The following PNISR variants were observed in gnomAD, a reference collection of about 807,000 sequenced individuals.
PNISR encodes the protein arginine/serine-rich protein PNISR.
A neutral mutation model predicts 93.4 loss-of-function variants in PNISR; 20 were observed. That is an observed-to-expected ratio of 0.21 (90% confidence interval 0.15 to 0.31). PNISR has a LOEUF of 0.31. Among genes scored for constraint, PNISR ranks in the 10% least tolerant of loss-of-function variants. PNISR has a pLI of 1.00. For missense variants in PNISR, 893 were observed against 985.4 expected, an observed-to-expected ratio of 0.91 and a Z score of 1.25; for synonymous variants, 305 against 306.5, an observed-to-expected ratio of 0.99 and a Z score of 0.05.
chr6:99,420,378 G>C (rs72930618), intron 1 of PNISR, among the ~76,000 whole-genome samples: 9,078 of 152,220 alleles, frequency 0.06, 362 homozygotes, highest in South Asian at 0.13. Context: ...TTGTAGTAAA[G>C]ACTTGTTTTA....
chr6:99,410,995 A>C, intron 4 of PNISR, 31 bp from the exon 5 acceptor site: 1 of 1,492,704 alleles, frequency 6.7e-7, no homozygotes, highest in Non-Finnish European at 9.3e-7. Context: ...AAAACATTCA[A>C]CAGGCGGTTA....
chr6:99,421,787 C>T (rs1241676522), intron 1 of PNISR, among the ~76,000 whole-genome samples: 1 of 152,342 alleles, frequency 6.6e-6, no homozygotes, highest in Non-Finnish European at 1.5e-5. Flanking sequence ...AAATGGCCAT[C>T]ATCTATTTTA....
chr6:99,402,032 G>GC (rs1311253161), intron 11 of PNISR, among the ~76,000 whole-genome samples: 2 of 152,124 alleles, frequency 1.3e-5, no homozygotes, highest in African/African-American at 4.8e-5. Context: ...TGGGTGTGAG[G>GC]CAAGTAGGAA....
At chr6:99,415,481 G>C (rs1021033089) in intron 2 of PNISR, 31 of 152,164 alleles carry the variant, frequency 2.0e-4, no homozygotes, top group African/African-American at 6.8e-4. Context: ...TAATTTAGGA[G>C]ATGGTATGGG....
At chr6:99,401,676 A>T in intron 11 of PNISR, 46 bp from the exon 12 acceptor site, 1 of 1,414,760 alleles carries the variant, frequency 7.1e-7, no homozygotes, top group Non-Finnish European at 9.4e-7. Context: ...TTCATGTAAA[A>T]TTCTCATACT....
rs1392410591 is a variant in PNISR at position 99,410,474 on chromosome 6, C to T, written c.501+267G>A. 1.1e-5 allele frequency: 4 copies of T among 378,322 alleles called. No homozygotes were observed. In the East Asian group the frequency reaches 1.8e-4, roughly 17 times the overall value. The allele number at this position is 378,322 out of a possible 1,614,324, so 23.4% of individuals were successfully genotyped here. A position where few individuals can be genotyped will look rare whatever the true frequency, so the allele number is the denominator to read the frequency against. On this transcript the variant is annotated intron_variant, in intron 5 of 11. Transcript: ENST00000369239. ...TTGAAATATAAATTAGAAAATAAAACATCATATAGCTATTGCACTTATACA... is the reference window on the plus strand; with the variant it reads ...TTGAAATATAAATTAGAAAATAAAATATCATATAGCTATTGCACTTATACA...
rs1224104196 is a variant in PNISR at position 99,401,141 on chromosome 6, C to A, written c.1817G>T (p.Arg606Ile). Reference sequence around the variant, plus strand: ...TCGGGAAGGACTCCGATTTCGTCGTCTTTCTCTTTCAATGCTATTTCTATT... The same window carrying A: ...TCGGGAAGGACTCCGATTTCGTCGTATTTCTCTTTCAATGCTATTTCTATT... ...RSNRNSIERE[R>I]RRNRSPSRER... The change falls in exon 12 of 12, where the codon AGA becomes ATA. Residue 606 changes from arginine to isoleucine, a missense_variant. By Grantham distance (97) the Arg-to-Ile change is moderately conservative. Transcript: ENST00000369239. The A allele has an allele frequency of 1.1e-5, 17 of 1,613,988 alleles. No homozygotes were observed. Among genetic ancestry groups the A allele is most frequent in the Non-Finnish European group, 1.4e-5 (17 of 1,179,918 alleles).
chr6:99,423,662 CG>C (rs540471136), intron 1 of PNISR, among the ~76,000 whole-genome samples: 5 of 152,262 alleles, frequency 3.3e-5, no homozygotes, highest in African/African-American at 7.2e-5. Context: ...ATGAGAAAAT[CG>C]TCTGGCAAAT....
intron 7 of PNISR, 135 bp downstream of exon 7, chr6:99,407,946 C>A: frequency 1.6e-6 from 1 of 617,498 alleles, no homozygotes; most frequent in Non-Finnish European, 2.8e-6. Context: ...AAATCAGAAT[C>A]CTCAATATAC....
At chr6:99,402,761 T>G (rs1320231925) in intron 10 of PNISR, 51 bp from the exon 11 acceptor site, 12 of 1,353,636 alleles carry the variant, frequency 8.9e-6, no homozygotes, top group African/African-American at 1.5e-5. Flanking sequence ...TACTATGCAC[T>G]AAAAACTTTT....
At chr6:99,413,111 C>A (rs1298615300) in intron 3 of PNISR, among the ~76,000 whole-genome samples, 1 of 151,790 alleles carries the variant, frequency 6.6e-6, no homozygotes, top group African/African-American at 2.4e-5. Flanking sequence ...AAAATCACCA[C>A]AAAAATAATC....
intron 4 of PNISR, among the ~76,000 whole-genome samples, 181 bp from the exon 5 acceptor site, chr6:99,411,145 T>A (rs1776861652): frequency 6.6e-6 from 1 of 152,212 alleles, no homozygotes; most frequent in Non-Finnish European, 1.5e-5. Context: ...CTGTCATATA[T>A]AATTCAAAAT....
In PNISR at chr6:99,400,687, A is replaced by G. The variant is rs571815625; in HGVS notation, c.2271T>C (p.Ser757=). The G allele has an allele frequency of 9.4e-5, 152 of 1,613,670 alleles. 1 individual carries two copies. The South Asian group carries it at 1.5e-3, about 16-fold the overall frequency. ...DSKKHSGSDS[S]GRSSSESPGS... ...CTGGAGACTCAGAACTGCTCCTTCCACTAGAATCAGAGCCTGAATGTTTTT... is the reference window on the plus strand; with the variant it reads ...CTGGAGACTCAGAACTGCTCCTTCCGCTAGAATCAGAGCCTGAATGTTTTT... Residue 757 remains serine (S), a synonymous_variant, in exon 12 of 12, where the codon AGT becomes AGC. Coordinates refer to ENST00000369239, the MANE Select transcript of PNISR (RefSeq NM_032870.4).
At chr6:99,422,615 T>C (rs1778710193) in intron 1 of PNISR, among the ~76,000 whole-genome samples, 1 of 152,200 alleles carries the variant, frequency 6.6e-6, no homozygotes, top group Non-Finnish European at 1.5e-5. Context: ...GGCTCATGCC[T>C]GTAAACCCAG....
At chr6:99,419,987 C>A (rs574719653) in intron 1 of PNISR, among the ~76,000 whole-genome samples, 11 of 152,082 alleles carry the variant, frequency 7.2e-5, no homozygotes, top group African/African-American at 2.7e-4. Flanking sequence ...CAGGCTCACA[C>A]CATTCTCCTG....
chr6:99,408,136 G>T lies in PNISR; in HGVS notation c.809C>A (p.Ala270Asp). The change falls in exon 7 of 12, where the codon GCC becomes GAC. Residue 270 changes from alanine to aspartate, a missense_variant. Physicochemically the swap from Ala to Asp is moderately radical, Grantham distance 126. This residue lies in a region of PNISR where 866 missense variants were observed against 935.1 expected (regional missense o/e 0.93). Coordinates refer to ENST00000369239, the MANE Select transcript of PNISR (RefSeq NM_032870.4). ...RSQLSKKEKK[A>D]TEDAEGGDGP... ...ATCCCCTCCTTCAGCATCTTCTGTG[G>T]CCTTTTTTTCTTTTTTGGACAATTG... 2.5e-6 allele frequency: 4 copies of T among 1,612,260 alleles called. No homozygotes were observed. The highest frequency in any genetic ancestry group is 2.2e-5 in the East Asian group (1 of 44,868).
chr6:99,414,024 G>T (rs1404353722), intron 3 of PNISR, among the ~76,000 whole-genome samples: 2 of 152,192 alleles, frequency 1.3e-5, no homozygotes, highest in South Asian at 2.1e-4. Context: ...ATGATACATG[G>T]CTATTAAAAA....
intron 1 of PNISR, among the ~76,000 whole-genome samples, chr6:99,424,047 T>C (rs151175282): frequency 1.3e-5 from 2 of 152,234 alleles, no homozygotes; most frequent in Non-Finnish European, 2.9e-5. Flanking sequence ...GGTACTGAGG[T>C]TAGGACTTCA....
In PNISR at chr6:99,420,411, T is replaced by C. The variant is rs969310627; in HGVS notation, c.-111-3983A>G. Among the ~76,000 whole-genome samples the C allele has an allele frequency of 2.6e-5, 4 of 152,188 alleles. No individual in the cohort carries two copies. The East Asian group carries it at 7.7e-4, about 29-fold the overall frequency. ...TTAAAACTAGGAAATACTTAAACTT[T>C]TATATATGTTTCAGCACATAGCACA... On this transcript the variant is annotated intron_variant, in intron 1 of 11. Coordinates refer to ENST00000369239, the MANE Select transcript of PNISR (RefSeq NM_032870.4).
Sources: allele counts gnomAD v4.1 joint callset (sites outside exome capture counted in the v4.1 genomes callset), GRCh38; gene constraint gnomAD v4.1.1; regional missense constraint gnomAD v4.1.1; transcripts MANE v1.5; gene names NCBI Gene and HGNC (gene_info 2026-07-23, HGNC 2026-07-21).